Variants in ZNF577 observed in about 807,000 individuals in gnomAD.
ZNF577 encodes zinc finger protein 577.
In ZNF577, 14 loss-of-function variants were observed where a neutral mutation model predicts 13.9. The observed-to-expected ratio is 1.00, with a 90% CI of 0.66 to 1.57. The LOEUF is 1.57. ZNF577 is among the 40% of genes most tolerant of loss of function. ZNF577 has a pLI of 0.00. For synonymous variants in ZNF577, 203 were observed against 202.9 expected (o/e 1.00, Z 0.00); for missense variants, 555 against 579.2 (o/e 0.96, Z 0.43).
rs375756577 is a variant in ZNF577 at position 51,886,656 on chromosome 19, T to C, written c.-219+165A>G. Reference sequence around the variant, plus strand: ...TTAGGAAAGAGAAATAAAAACTTGATAAATCACAGTAATTATTTATTCAGA... The same window carrying C: ...TTAGGAAAGAGAAATAAAAACTTGACAAATCACAGTAATTATTTATTCAGA... On this transcript the variant is annotated intron_variant, in intron 1 of 5. Transcript: ENST00000638348. Among the ~76,000 whole-genome samples, 64 of 152,340 alleles carry C rather than the reference T, an allele frequency of 4.2e-4. No homozygotes were observed. In the Middle Eastern group the frequency reaches 0.01, roughly 24 times the overall value.
At chr19:51,882,848 A>T (rs548823131) in intron 1 of ZNF577, among the ~76,000 whole-genome samples, 1 of 152,226 alleles carries the variant, frequency 6.6e-6, no homozygotes, top group South Asian at 2.1e-4. Flanking sequence ...CTTCCAAACC[A>T]TTACAAGCCC....
intron 9 of ZNF577, among the ~76,000 whole-genome samples, chr19:51,838,226 C>T (rs1239190323): frequency 6.6e-6 from 1 of 152,084 alleles, no homozygotes; most frequent in Non-Finnish European, 1.5e-5. Context: ...TAGGTATCCA[C>T]ATATAAGTGC....
At chr19:51,858,784 G>C (rs1268369855) in intron 5 of ZNF577, among the ~76,000 whole-genome samples, 1 of 151,924 alleles carries the variant, frequency 6.6e-6, no homozygotes, top group Non-Finnish European at 1.5e-5. Flanking sequence ...TTAAAAAAAA[G>C]TCCATATTTG....
At chr19:51,854,711 C>T (rs2084400709) in intron 5 of ZNF577, among the ~76,000 whole-genome samples, 1 of 151,930 alleles carries the variant, frequency 6.6e-6, no homozygotes, top group Admixed American at 6.5e-5. Context: ...ATTATTTCTT[C>T]AAATATTCTA....
chr19:51,863,641 A>G (rs1008675614), downstream of ZNF577, among the ~76,000 whole-genome samples: 5 of 152,248 alleles, frequency 3.3e-5, no homozygotes, highest in African/African-American at 1.2e-4. Flanking sequence ...ATGTGCAAGA[A>G]TTTTGTGTAT....
chr19:51,852,168 A>C (rs2084382053), intron 5 of ZNF577, among the ~76,000 whole-genome samples: 1 of 152,222 alleles, frequency 6.6e-6, no homozygotes, highest in African/African-American at 2.4e-5. Flanking sequence ...TGATGTCTAA[A>C]GCCTTTAGCT....
Position 51,877,273 on chromosome 19 carries a change from C to T in ZNF577, c.283+9G>A. 1 of 1,612,288 alleles carries T rather than the reference C, an allele frequency of 6.2e-7. No homozygotes were observed. Among genetic ancestry groups the T allele is most frequent in the African/African-American group, 1.3e-5 (1 of 74,906 alleles). ...TTTCTCCCCATTTTCTTAGTTTTCACTCACTTACCTGGACAGATTTGACTG... is the reference window on the plus strand; with the variant it reads ...TTTCTCCCCATTTTCTTAGTTTTCATTCACTTACCTGGACAGATTTGACTG... On this transcript the variant is annotated intron_variant, in intron 5 of 5. Transcript: ENST00000638348.
intron 5 of ZNF577, among the ~76,000 whole-genome samples, chr19:51,876,195 A>C (rs2084758940): frequency 6.6e-6 from 1 of 152,192 alleles, no homozygotes; most frequent in Non-Finnish European, 1.5e-5. Flanking sequence ...ATTTGTCAGA[A>C]GACACAGCTG....
At chr19:51,815,963 A>C (rs2084133408) in intron 9 of ZNF577, among the ~76,000 whole-genome samples, 2 of 151,866 alleles carry the variant, frequency 1.3e-5, no homozygotes, top group African/African-American at 4.8e-5. Context: ...GCAACTCAGG[A>C]GGCTGAGGTG....
rs1296815141 is a variant in ZNF577, at chr19:51,873,379, T to A, written c.611A>T (p.His204Leu). 1 of 1,614,248 alleles carries A rather than the reference T, an allele frequency of 6.2e-7. No individual in the cohort carries two copies. The highest frequency in any genetic ancestry group is 1.7e-5 in the Admixed American group (1 of 60,024). The change falls in exon 6 of 6, where the codon CAT becomes CTT. Residue 204 changes from histidine to leucine, a missense_variant. Physicochemically the swap from His to Leu is moderately conservative, Grantham distance 99. Coordinates refer to ENST00000638348, the MANE Select transcript of ZNF577 (RefSeq NM_001370449.1). The part of the protein sequence containing the change: ...TFMRKIQLTE[H>L]QRTHTGEKPH... Reference sequence around the variant, plus strand: ...CTTCTCTCCTGTGTGAGTTCTCTGATGCTCAGTGAGCTGAATCTTCCTCAT... The same window carrying A: ...CTTCTCTCCTGTGTGAGTTCTCTGAAGCTCAGTGAGCTGAATCTTCCTCAT...
At chr19:51,810,350 G>A (rs149597456) in intron 10 of ZNF577, among the ~76,000 whole-genome samples, 51 of 152,294 alleles carry the variant, frequency 3.3e-4, no homozygotes, top group African/African-American at 1.1e-3. Flanking sequence ...TTCTGCAGCC[G>A]TGGTATGAGG....
intron 9 of ZNF577, among the ~76,000 whole-genome samples, chr19:51,821,162 G>C (rs550679867): frequency 7.2e-5 from 11 of 152,302 alleles, no homozygotes; most frequent in African/African-American, 2.6e-4. Context: ...TCACCTGAAA[G>C]TTAGACTTCA....
chr19:51,818,670 A>C (rs1269664995), intron 9 of ZNF577, among the ~76,000 whole-genome samples: 1 of 152,202 alleles, frequency 6.6e-6, no homozygotes. Context: ...AGTAGGCAGA[A>C]GGAAGAGAGA....
rs182407520 is a variant in ZNF577 at position 51,873,171 on chromosome 19, A to T, written c.819T>A (p.Ser273Arg). 11 of 1,614,078 alleles carry T rather than the reference A, an allele frequency of 6.8e-6. No homozygotes were observed. The Admixed American group carries it at 1.8e-4, about 27-fold the overall frequency. ...TCTGAGAAAAGGCTTTCCCACACAC[A>T]CTGCACCCATAGAGTTTCTCTCCAG... Reference protein sequence around the residue: ...SHTGEKLYGCSVCGKAFSQKA... With the variant: ...SHTGEKLYGCRVCGKAFSQKA... Residue 273 changes from serine to arginine, a missense_variant, in exon 6 of 6, where the codon AGT becomes AGA. By Grantham distance (110) the Ser-to-Arg change is moderately radical. Coordinates refer to ENST00000638348, the MANE Select transcript of ZNF577 (RefSeq NM_001370449.1).
chr19:51,836,793 C>T (rs1348129270), intron 9 of ZNF577, among the ~76,000 whole-genome samples: 1 of 152,110 alleles, frequency 6.6e-6, no homozygotes, highest in African/African-American at 2.4e-5. Flanking sequence ...CCTGTAATAC[C>T]AGCACTTTGG....
chr19:51,844,875 G>A (rs1434482174), exon 6 of ZNF577: 1 of 152,148 alleles, frequency 6.6e-6, no homozygotes. Context: ...TGAATTTCTG[G>A]ACATGAGATA....
chr19:51,807,359 C>T (rs2084066795), intron 10 of ZNF577, among the ~76,000 whole-genome samples: 1 of 152,194 alleles, frequency 6.6e-6, no homozygotes, highest in Non-Finnish European at 1.5e-5. Context: ...CTCCACAAAC[C>T]TTTTGGTGGC....
chr19:51,878,045 A>T (rs2084794744), intron 4 of ZNF577: 2 of 172,016 alleles, frequency 1.2e-5, no homozygotes, highest in African/African-American at 4.7e-5. Flanking sequence ...TATACGAGGT[A>T]CTTAGAGAAG....
At chr19:51,812,317 A>G (rs1311849357) in intron 9 of ZNF577, among the ~76,000 whole-genome samples, 1 of 152,202 alleles carries the variant, frequency 6.6e-6, no homozygotes, top group Non-Finnish European at 1.5e-5. Context: ...TCCACATTGC[A>G]TCTCCACTTA....
Sources: gnomAD v4.1 joint callset for allele counts (sites outside exome capture counted in the v4.1 genomes callset) on GRCh38, gnomAD v4.1.1 for gene constraint, MANE v1.5 for transcripts, NCBI Gene and HGNC (gene_info 2026-07-23, HGNC 2026-07-21) for gene names.